Variants in PIGK observed in about 807,000 individuals in gnomAD.
PIGK encodes GPI-anchor transamidase.
PIGK carries 42 observed loss-of-function variants against 50.6 expected under a neutral mutation model. That is an observed-to-expected ratio of 0.83 (90% CI 0.65 to 1.07). PIGK has a LOEUF of 1.07. Ranked by LOEUF, PIGK falls within the 50% of genes least tolerant of loss-of-function variation. The pLI is 0.00. For missense variants in PIGK, 448 were observed against 488.7 expected (o/e 0.92, Z 0.78); for synonymous variants, 151 against 156.0 (o/e 0.97, Z 0.24).
chr1:77,143,469 C>T (rs939320616), intron 9 of PIGK, among the ~76,000 whole-genome samples: 6 of 151,786 alleles, frequency 4.0e-5, no homozygotes, highest in African/African-American at 7.3e-5. Flanking sequence ...AAGCAAAGAC[C>T]GCAGGTCTGT....
intron 3 of PIGK, among the ~76,000 whole-genome samples, chr1:77,173,636 T>C (rs1446650293): frequency 6.6e-6 from 1 of 152,200 alleles, no homozygotes; most frequent in African/African-American, 2.4e-5. Flanking sequence ...AAAGTTTTAA[T>C]TAATGCAAAA....
At chr1:77,197,057 T>C (rs1656054563) in intron 3 of PIGK, among the ~76,000 whole-genome samples, 1 of 152,186 alleles carries the variant, frequency 6.6e-6, no homozygotes, top group Non-Finnish European at 1.5e-5. Context: ...AACTAGTATT[T>C]GGCATCATTA....
intron 6 of PIGK, among the ~76,000 whole-genome samples, chr1:77,162,779 A>G (rs1337684118): frequency 1.3e-5 from 2 of 152,136 alleles, no homozygotes; most frequent in Non-Finnish European, 2.9e-5. Flanking sequence ...GACACAATTA[A>G]TATGACACAT....
At chr1:77,140,459 A>G (rs977092008) in intron 9 of PIGK, among the ~76,000 whole-genome samples, 1 of 152,116 alleles carries the variant, frequency 6.6e-6, no homozygotes, top group Non-Finnish European at 1.5e-5. Context: ...CCCCAAAAGT[A>G]GATACCCCTA....
At chr1:77,111,401 T>G (rs1011750162) in intron 10 of PIGK, among the ~76,000 whole-genome samples, 1 of 152,096 alleles carries the variant, frequency 6.6e-6, no homozygotes, top group Non-Finnish European at 1.5e-5. Context: ...ATGTGGCACA[T>G]ATACACCATG....
chr1:77,156,299 A>G (rs1222362091), intron 8 of PIGK, among the ~76,000 whole-genome samples: 2 of 152,154 alleles, frequency 1.3e-5, no homozygotes, highest in African/African-American at 4.8e-5. Flanking sequence ...ACACTGAATA[A>G]TATTATCCTA....
chr1:77,189,727 AT>A (rs1655847550), intron 3 of PIGK, among the ~76,000 whole-genome samples: 1 of 75,050 alleles, frequency 1.3e-5, no homozygotes, highest in East Asian at 7.4e-4. Context: ...ATATATATAT[AT>A]ATATATATAT....
chr1:77,128,634 G>C (rs1203859548), intron 9 of PIGK, among the ~76,000 whole-genome samples: 1 of 151,934 alleles, frequency 6.6e-6, no homozygotes, highest in Non-Finnish European at 1.5e-5. Context: ...TAGAGTTCTG[G>C]GGGATGTCAG....
intron 1 of PIGK, among the ~76,000 whole-genome samples, chr1:77,212,273 G>A (rs568735674): frequency 6.6e-5 from 10 of 152,146 alleles, no homozygotes; most frequent in South Asian, 4.2e-4. Context: ...GTCTAGGTTC[G>A]AATCTGGGCT....
At chr1:77,194,431 T>C (rs945609713) in intron 3 of PIGK, among the ~76,000 whole-genome samples, 3 of 152,128 alleles carry the variant, frequency 2.0e-5, no homozygotes, top group Non-Finnish European at 2.9e-5. Context: ...ATGTAGTACA[T>C]AACACCATGA....
At position 77,141,015 on chromosome 1, in the gene PIGK, A is replaced by G. The variant is rs150720935; in HGVS notation, c.986+13434T>C. Among the ~76,000 whole-genome samples, 418 of 152,306 alleles carry G rather than the reference A, an allele frequency of 2.7e-3. 1 individual carries two copies. The highest frequency in any genetic ancestry group is 9.3e-3 in the African/African-American group (385 of 41,592). On this transcript the variant is annotated intron_variant, in intron 9 of 10. Coordinates refer to ENST00000370812, the MANE Select transcript of PIGK (RefSeq NM_005482.3). ...GCATGCAATCTTTAAATCACCTAAG[A>G]GAAATATAAAATACTATTTTCTTGC...
At chr1:77,205,748 T>C (rs1320123694) in intron 3 of PIGK, among the ~76,000 whole-genome samples, 1 of 152,080 alleles carries the variant, frequency 6.6e-6, no homozygotes, top group Admixed American at 6.6e-5. Context: ...TTGACTACAG[T>C]TTCTTGCTAT....
intron 3 of PIGK, chr1:77,194,749 C>A (rs1202635655): frequency 1.2e-5 from 4 of 333,588 alleles, no homozygotes; most frequent in Admixed American, 8.6e-5. Flanking sequence ...CACAATTTAC[C>A]CATATAACAA....
intron 9 of PIGK, among the ~76,000 whole-genome samples, chr1:77,142,763 C>T (rs1654676758): frequency 6.6e-6 from 1 of 152,106 alleles, no homozygotes; most frequent in African/African-American, 2.4e-5. Context: ...GGGGAAATCA[C>T]ACCATGACCC....
intron 7 of PIGK, 63 bp from the exon 8 acceptor site, chr1:77,161,468 A>G: frequency 1.8e-6 from 2 of 1,096,358 alleles, no homozygotes; most frequent in Non-Finnish European, 2.8e-6. Flanking sequence ...TTTTAAATGT[A>G]ACCAAAATTT....
chr1:77,169,762 G>A (rs1655319632), intron 3 of PIGK, among the ~76,000 whole-genome samples: 2 of 152,138 alleles, frequency 1.3e-5, no homozygotes, highest in Admixed American at 6.5e-5. Flanking sequence ...GCAAAGGGAA[G>A]CTAAAGAAAC....
chr1:77,136,740 C>T (rs1361078866), intron 9 of PIGK, among the ~76,000 whole-genome samples: 1 of 152,182 alleles, frequency 6.6e-6, no homozygotes, highest in Non-Finnish European at 1.5e-5. Context: ...GCCATTATCT[C>T]TTATATTGCC....
At chr1:77,110,700 G>A (rs535721146) in intron 10 of PIGK, among the ~76,000 whole-genome samples, 1 of 152,280 alleles carries the variant, frequency 6.6e-6, no homozygotes, top group South Asian at 2.1e-4. Context: ...ATAGGCATGG[G>A]CAAGGACTTC....
In PIGK at chr1:77,102,076, T is replaced by C. The variant is rs182706428; in HGVS notation, c.1072-9586A>G. On this transcript the variant is annotated intron_variant, in intron 10 of 10. Coordinates refer to ENST00000370812, the MANE Select transcript of PIGK (RefSeq NM_005482.3). ...TGGAGGAGATTAAAAGACTTTCCAATTGGGCAAAGTAACTACAGTTGGTGA... is the reference window on the plus strand; with the variant it reads ...TGGAGGAGATTAAAAGACTTTCCAACTGGGCAAAGTAACTACAGTTGGTGA... Among the ~76,000 whole-genome samples, 21 of 152,308 alleles carry C rather than the reference T, an allele frequency of 1.4e-4. 1 individual carries two copies. The highest frequency in any genetic ancestry group is 4.1e-4 in the African/African-American group (17 of 41,574).
Sources: allele counts gnomAD v4.1 joint callset (sites outside exome capture counted in the v4.1 genomes callset), GRCh38; gene constraint gnomAD v4.1.1; transcripts MANE v1.5; gene names NCBI Gene and HGNC (gene_info 2026-07-23, HGNC 2026-07-21).